The following NDUFS8 variants were observed in gnomAD, a reference collection of about 807,000 sequenced individuals.
NDUFS8 encodes NADH dehydrogenase [ubiquinone] iron-sulfur protein 8, mitochondrial.
Under a neutral mutation model 25.6 loss-of-function variants are expected in NDUFS8, and 13 were observed. The observed-to-expected ratio is 0.51, with a 90% confidence interval of 0.33 to 0.81. The LOEUF (loss-of-function observed/expected upper bound fraction) is 0.81, where lower values mean the gene tolerates loss of function less well. Ranked by LOEUF, NDUFS8 falls within the 30% of genes least tolerant of loss-of-function variation. The pLI, the probability that NDUFS8 is intolerant of heterozygous loss-of-function variation, is 0.02. For missense variants in NDUFS8, 257 were observed against 300.9 expected (o/e 0.85, Z 1.08); for synonymous variants, 119 against 119.4 (o/e 1.00, Z 0.02).
rs1047443406 is a variant in NDUFS8 at position 68,030,710 on chromosome 11, G to A, written c.-24G>A. 2 of 333,116 alleles carry A rather than the reference G, an allele frequency of 6.0e-6. No individual in the cohort carries two copies. The highest frequency in any genetic ancestry group is 1.2e-5 in the Non-Finnish European group (2 of 167,678). The allele number at this position is 333,116 out of a possible 1,614,324, so 20.6% of individuals were successfully genotyped here. A position where few individuals can be genotyped will look rare whatever the true frequency, so the allele number is the denominator to read the frequency against. On this transcript the variant is annotated 5_prime_UTR_variant, in exon 1 of 7. Coordinates refer to ENST00000313468, the MANE Select transcript of NDUFS8 (RefSeq NM_002496.4). Reference sequence around the variant, plus strand: ...CCCGATTGACTGGCCTGCTTGGCAAGGCAAGTAGCGGCGGCGCTTCAAGGT... The same window carrying A: ...CCCGATTGACTGGCCTGCTTGGCAAAGCAAGTAGCGGCGGCGCTTCAAGGT...
Position 68,036,488 on chromosome 11 carries a change from G to T in NDUFS8, c.528G>T (p.Glu176Asp). 6.2e-7 allele frequency: 1 copy of T among 1,614,088 alleles called. No individual in the cohort carries two copies. The highest frequency in any genetic ancestry group is 2.2e-5 in the East Asian group (1 of 44,880). ...GCCCCAACTTTGAGTTCTCCACGGA[G>T]ACCCATGAGGAGCTGCTGTACAACA... is the stretch of plus-strand genomic sequence containing the variant. Reference protein sequence around the residue: ...VEGPNFEFSTETHEELLYNKE... With the variant: ...VEGPNFEFSTDTHEELLYNKE... Residue 176 changes from glutamate (E) to aspartate (D), a missense_variant, in exon 7 of 7, where the codon GAG (glutamate) becomes GAT (aspartate). Coordinates refer to ENST00000313468, the MANE Select transcript of NDUFS8 (RefSeq NM_002496.4).
chr11:68,032,247 C>G, intron 2 of NDUFS8, 38 bp downstream of exon 2: 1 of 1,613,742 alleles, frequency 6.2e-7, no homozygotes, highest in Non-Finnish European at 8.5e-7. Context: ...GTAGGGGAGT[C>G]CAGTCTCCTG....
Position 68,032,948 on chromosome 11 carries a change from G to T in NDUFS8, c.135G>T (p.Glu45Asp). 6.2e-7 allele frequency: 1 copy of T among 1,613,922 alleles called. No homozygotes were observed. The change falls in exon 4 of 7, where the codon GAG (glutamate) becomes GAT (aspartate). Residue 45 changes from glutamate to aspartate, a missense_variant. By Grantham distance (45) the Glu-to-Asp change is conservative. Coordinates refer to ENST00000313468, the MANE Select transcript of NDUFS8 (RefSeq NM_002496.4). ...AGTATGTGAACATGCAGGATCCCGA[G>T]ATGGACATGAAGTCAGTGACTGACC... ...TYKYVNMQDP[E>D]MDMKSVTDRA...
At chr11:68,034,293 G>A (rs1201940963) in intron 5 of NDUFS8, 1 of 152,258 alleles carries the variant, frequency 6.6e-6, no homozygotes, top group Non-Finnish European at 1.5e-5. Context: ...TGAGAGTTAG[G>A]ACGTGCCCTT....
rs917028204 is a variant in NDUFS8, at chr11:68,033,778, C to A, written c.372+495C>A. ...GACTCGGTCAGAGCTCTGGTCAGAC[C>A]CCTGTGTGTGCCTGGCAGGAGCCCC... is the stretch of plus-strand genomic sequence containing the variant. On this transcript the variant is annotated intron_variant, in intron 5 of 6. Transcript: ENST00000313468. The A allele has an allele frequency of 3.8e-5, 7 of 186,208 alleles. No individual in the cohort carries two copies. In the South Asian group the frequency reaches 5.7e-4, roughly 15 times the overall value. 11.5% of individuals were successfully genotyped at this position (186,208 alleles called of 1,614,324 possible).
At chr11:68,030,816 C>T (rs552339876) in intron 1 of NDUFS8, 83 bp downstream of exon 1, 1 of 392,228 alleles carries the variant, frequency 2.5e-6, no homozygotes, top group South Asian at 1.7e-5. Context: ...GTTGGCGCCG[C>T]CAGCTCTGCG....
chr11:68,033,494 C>T (rs1854814491), intron 5 of NDUFS8: 1 of 682,546 alleles, frequency 1.5e-6, no homozygotes, highest in Admixed American at 2.3e-5. Flanking sequence ...AGCTTCCAGC[C>T]CTGGGCAGGC....
chr11:68,030,896 T>TCCGGGCGCCGGCC (rs58491259), intron 1 of NDUFS8, 163 bp downstream of exon 1: 1 of 440,602 alleles, frequency 2.3e-6, no homozygotes, highest in African/African-American at 2.1e-5. Flanking sequence ...GGGAGCCGGC[T>TCCGGGCGCCGGCC]CTCAGGGCGC....
chr11:68,031,699 C>G (rs368350187), intron 1 of NDUFS8: 2 of 294,912 alleles, frequency 6.8e-6, no homozygotes, highest in Non-Finnish European at 1.3e-5. Context: ...GTGCCTCCCT[C>G]GTGGAGTCCT....
chr11:68,034,288 G>T (rs761066228), intron 5 of NDUFS8: 20 of 152,272 alleles, frequency 1.3e-4, no homozygotes, highest in Non-Finnish European at 2.8e-4. Flanking sequence ...GGAACTGAGA[G>T]TTAGGACGTG....
Position 68,033,009 on chromosome 11 carries a change from C to T in NDUFS8, c.196C>T (p.Arg66Ter), listed in dbSNP as rs1214343024. Reference sequence around the variant, plus strand: ...CACCCTGCTGTGGACTGAGCTCTTCCGAGGTGCGTCCTGGGCATGAGGGGA... The same window carrying T: ...CACCCTGCTGTGGACTGAGCTCTTCTGAGGTGCGTCCTGGGCATGAGGGGA... ...ARTLLWTELF[R>*]GLGMTLSYLF... Residue 66 changes from arginine to a stop codon, truncating the protein, a stop_gained, in exon 4 of 7, where the codon CGA becomes TGA. Transcript: ENST00000313468. LOFTEE classifies it high-confidence loss of function. 5 of 1,613,748 alleles carry T rather than the reference C, an allele frequency of 3.1e-6. No homozygotes were observed. The highest frequency in any genetic ancestry group is 1.6e-4 in the Middle Eastern group (1 of 6,062).
At chr11:68,036,089 G>A (rs1333234190) in intron 5 of NDUFS8, 164 bp from the exon 6 acceptor site, 10 of 1,062,120 alleles carry the variant, frequency 9.4e-6, no homozygotes, top group East Asian at 8.2e-5. Flanking sequence ...GGAGACAGGC[G>A]CGAGCACCAG....
chr11:68,032,641 C>A (rs1469934289), intron 3 of NDUFS8: 6 of 998,318 alleles, frequency 6.0e-6, no homozygotes, highest in Non-Finnish European at 7.2e-6. Context: ...TCAAGCCCCC[C>A]ACCTACCCCC....
At chr11:68,035,148 C>T (rs1590790988) in intron 5 of NDUFS8, 2 of 152,470 alleles carry the variant, frequency 1.3e-5, no homozygotes, top group South Asian at 3.9e-4. Context: ...ATTAAAAATA[C>T]TTTAGGGGCC....
chr11:68,032,017 C>G, intron 1 of NDUFS8, 135 bp from the exon 2 acceptor site: 1 of 1,304,560 alleles, frequency 7.7e-7, no homozygotes, highest in Admixed American at 1.7e-5. Flanking sequence ...CCATCTGTGC[C>G]TCTGACAGCA....
chr11:68,035,906 C>G (rs1482321507), intron 5 of NDUFS8: 1 of 370,314 alleles, frequency 2.7e-6, no homozygotes, highest in Non-Finnish European at 5.3e-6. Context: ...GTAGTCCCAG[C>G]TACTCAGGGG....
At chr11:68,035,561 G>C in intron 5 of NDUFS8, 1 of 268,866 alleles carries the variant, frequency 3.7e-6, no homozygotes, top group South Asian at 2.8e-5. Context: ...CCTTCAATTT[G>C]TAAAACTCAA....
At position 68,033,115 on chromosome 11, in the gene NDUFS8, G is replaced by T; in HGVS notation, c.204G>T (p.Leu68=). The T allele has an allele frequency of 1.9e-6, 3 of 1,613,030 alleles. No homozygotes were observed. The highest frequency in any genetic ancestry group is 2.5e-6 in the Non-Finnish European group (3 of 1,179,830). The change falls in exon 5 of 7, where the codon CTG becomes CTT. Residue 68 remains leucine (L), a synonymous_variant. Coordinates refer to ENST00000313468, the MANE Select transcript of NDUFS8 (RefSeq NM_002496.4). Reference sequence around the variant, plus strand: ...CCACACCCGTGCTGCCCACAGGCCTGGGCATGACCCTGAGCTACCTGTTCC... The same window carrying T: ...CCACACCCGTGCTGCCCACAGGCCTTGGCATGACCCTGAGCTACCTGTTCC... The part of the protein sequence containing the change: ...TLLWTELFRG[L]GMTLSYLFRE...
rs1407129666 is a variant in NDUFS8 at position 68,036,391 on chromosome 11, GC to G, written c.501+15del. On this transcript the variant is annotated intron_variant, in intron 6 of 6. Transcript: ENST00000313468. ...GGATGCCATCGTCGAGGCACGTGAGGCCCCCGGGTGGGAGGGGGCCTGAGGC... is the reference window on the plus strand; with the variant it reads ...GGATGCCATCGTCGAGGCACGTGAGGCCCCGGGTGGGAGGGGGCCTGAGGC... 6.2e-7 allele frequency: 1 copy of G among 1,613,736 alleles called. No homozygotes were observed. The highest frequency in any genetic ancestry group is 2.2e-5 in the East Asian group (1 of 44,884).
Sources: allele counts gnomAD v4.1 joint callset, GRCh38; gene constraint gnomAD v4.1.1; transcripts MANE v1.5; gene names NCBI Gene and HGNC (gene_info 2026-07-23, HGNC 2026-07-21).